Variants in CHL1 observed in about 807,000 individuals in gnomAD.
CHL1 encodes cell adhesion molecule L1 like.
Under a neutral mutation model 141.9 loss-of-function variants are expected in CHL1, and 96 were observed. The observed-to-expected ratio is 0.68, with a 90% CI of 0.57 to 0.80. CHL1 has a LOEUF of 0.80. Ranked by LOEUF, CHL1 falls within the 30% of genes least tolerant of loss-of-function variation. CHL1 has a pLI of 0.00. For missense variants in CHL1, 1,820 were observed against 1,457.2 expected, an observed-to-expected ratio of 1.25 and a Z score of -4.05; for synonymous variants, 613 against 502.2, an observed-to-expected ratio of 1.22 and a Z score of -2.95.
intron 13 of CHL1, among the ~76,000 whole-genome samples, chr3:362,995 A>G (rs1364300693): frequency 6.6e-6 from 1 of 152,206 alleles, no homozygotes; most frequent in African/African-American, 2.4e-5. Context: ...CAGCAGAAGC[A>G]CTGAGCATGG....
intron 1 of CHL1, among the ~76,000 whole-genome samples, chr3:216,508 A>T (rs994665807): frequency 6.6e-6 from 1 of 152,074 alleles, no homozygotes; most frequent in Non-Finnish European, 1.5e-5. Flanking sequence ...TAGCCTTTGA[A>T]CCCTAGGAGA....
At chr3:304,044 T>C (rs557088249) in intron 2 of CHL1, among the ~76,000 whole-genome samples, 1 of 152,350 alleles carries the variant, frequency 6.6e-6, no homozygotes, top group South Asian at 2.1e-4. Context: ...TTTGCATATG[T>C]TGAACCAGCC....
chr3:232,839 A>T (rs1701986657), intron 1 of CHL1, among the ~76,000 whole-genome samples: 2 of 152,046 alleles, frequency 1.3e-5, no homozygotes, highest in Admixed American at 1.3e-4. Flanking sequence ...TGTTCTGTTC[A>T]TTTAACTTTA....
chr3:288,954 C>T (rs1697418123), intron 2 of CHL1, among the ~76,000 whole-genome samples: 1 of 152,116 alleles, frequency 6.6e-6, no homozygotes, highest in Admixed American at 6.5e-5. Flanking sequence ...TTGTGAGCTT[C>T]TTTTTTGTTT....
rs766739473 is a variant in CHL1 at position 328,309 on chromosome 3, A to G, written c.340A>G (p.Lys114Glu). The G allele has an allele frequency of 4.3e-6, 7 of 1,612,216 alleles. No homozygotes were observed. ...QGKYRCFASN[K>E]LGIAMSEEIE... is the part of the protein sequence containing the mutation. ...GAAATACCGCTGCTTTGCTTCAAAT[A>G]AACTGGGAATCGCTATGTCAGAAGA... Residue 114 changes from lysine (K) to glutamate (E), a missense_variant, in exon 5 of 28, where the codon AAA becomes GAA. By Grantham distance (56) the Lys-to-Glu change is moderately conservative. Transcript: ENST00000256509.
intron 11 of CHL1, among the ~76,000 whole-genome samples, chr3:358,398 T>C (rs1241103320): frequency 2.0e-5 from 3 of 152,146 alleles, no homozygotes; most frequent in Non-Finnish European, 4.4e-5. Context: ...ACTTGGGTCA[T>C]CCAGATGTAG....
chr3:307,762 A>AAATAAAGATACC lies in CHL1; in HGVS notation c.-94-11921_-94-11920insAATAAAGATACC, dbSNP rs1252677054. ...TACGAAATAAAGATACCTGAAGTAC[A>AAATAAAGATACC]TGTAGTAACCAGTGCTGCTACATTT... On this transcript the variant is annotated intron_variant, in intron 2 of 27. Coordinates refer to ENST00000256509, the MANE Select transcript of CHL1 (RefSeq NM_006614.4). Among the ~76,000 whole-genome samples, 380 of 152,308 alleles carry AAATAAAGATACC rather than the reference A, an allele frequency of 2.5e-3. 3 individuals carry two copies. Among genetic ancestry groups the AAATAAAGATACC allele is most frequent in the African/African-American group, 8.4e-3 (351 of 41,570 alleles).
At chr3:315,451 C>G (rs1202112365) in intron 2 of CHL1, among the ~76,000 whole-genome samples, 1 of 152,096 alleles carries the variant, frequency 6.6e-6, no homozygotes, top group Non-Finnish European at 1.5e-5. Context: ...TCCTCCATTT[C>G]TCAAGGAATA....
chr3:400,951 G>A (rs1399882827), intron 26 of CHL1, among the ~76,000 whole-genome samples: 4 of 135,196 alleles, frequency 3.0e-5, no homozygotes, highest in Non-Finnish European at 6.1e-5. Flanking sequence ...GCCCAGGCTG[G>A]AGTGCAGTGG....
intron 3 of CHL1, among the ~76,000 whole-genome samples, chr3:321,351 G>A (rs56230650): frequency 5.3e-5 from 8 of 151,798 alleles, no homozygotes; most frequent in Admixed American, 5.3e-4. Flanking sequence ...GAAATCTTTC[G>A]GCCTACACAA....
At chr3:215,214 A>G (rs796951342) in intron 1 of CHL1, among the ~76,000 whole-genome samples, 7 of 152,332 alleles carry the variant, frequency 4.6e-5, no homozygotes, top group African/African-American at 1.7e-4. Flanking sequence ...TATATACACA[A>G]TTGAATAGTA....
chr3:349,752 A>G (rs967457569), intron 10 of CHL1, among the ~76,000 whole-genome samples: 2 of 152,226 alleles, frequency 1.3e-5, no homozygotes, highest in African/African-American at 2.4e-5. Context: ...ATGACAAGAA[A>G]AGATCTCATG....
chr3:354,779 TA>T lies in CHL1; in HGVS notation c.1165+13del, dbSNP rs759986852. ...ATGGCTCCCCAGTTGACAGTAAGTT[TA>T]AAAACCAATTGCAATGCAATGCTGA... On this transcript the variant is annotated intron_variant, in intron 11 of 27. Transcript: ENST00000256509. The T allele has an allele frequency of 1.2e-6, 2 of 1,613,118 alleles. No homozygotes were observed. The highest frequency in any genetic ancestry group is 1.7e-6 in the Non-Finnish European group (2 of 1,179,492).
At chr3:232,124 T>C (rs1181783890) in intron 1 of CHL1, among the ~76,000 whole-genome samples, 2 of 150,880 alleles carry the variant, frequency 1.3e-5, no homozygotes, top group Non-Finnish European at 2.9e-5. Flanking sequence ...ATTCATCTCC[T>C]TAACTGAGAA....
At chr3:247,428 A>G (rs1693271705) in intron 2 of CHL1, 1 of 152,086 alleles carries the variant, frequency 6.6e-6, no homozygotes, top group Non-Finnish European at 1.5e-5. Flanking sequence ...CATCTTTGAG[A>G]GCAGAGTTCA....
chr3:380,054 T>C (rs991390032), intron 16 of CHL1, among the ~76,000 whole-genome samples: 1 of 152,194 alleles, frequency 6.6e-6, no homozygotes, highest in Non-Finnish European at 1.5e-5. Context: ...TCTAGCTCCA[T>C]ACGATTCTCA....
chr3:391,871 G>A (rs956062488), intron 23 of CHL1, 74 bp downstream of exon 23: 1 of 1,224,646 alleles, frequency 8.2e-7, no homozygotes, highest in Non-Finnish European at 1.1e-6. Flanking sequence ...GTGCTATGTT[G>A]GGAGTCTAAT....
chr3:294,448 T>A (rs1697998733), intron 2 of CHL1, among the ~76,000 whole-genome samples: 1 of 152,204 alleles, frequency 6.6e-6, no homozygotes, highest in African/African-American at 2.4e-5. Flanking sequence ...TATTATTTAA[T>A]TGTACATGTT....
At chr3:279,415 C>G (rs1185003807) in intron 2 of CHL1, among the ~76,000 whole-genome samples, 1 of 151,992 alleles carries the variant, frequency 6.6e-6, no homozygotes, top group Non-Finnish European at 1.5e-5. Flanking sequence ...GTAAATGCTT[C>G]TTAGATTCTG....
Sources: gnomAD v4.1 joint callset for allele counts (sites outside exome capture counted in the v4.1 genomes callset) on GRCh38, gnomAD v4.1.1 for gene constraint, MANE v1.5 for transcripts, NCBI Gene and HGNC (gene_info 2026-07-23, HGNC 2026-07-21) for gene names.